ADAMTS17: variants seen among roughly 807,000 people sequenced by gnomAD.
The protein encoded by ADAMTS17 is A disintegrin and metalloproteinase with thrombospondin motifs 17.
A neutral mutation model predicts 141.5 loss-of-function variants in ADAMTS17; 113 were observed. That is an observed-to-expected ratio of 0.80 (90% CI 0.69 to 0.93). The LOEUF is 0.93. Among genes scored for constraint, ADAMTS17 ranks in the 40% least tolerant of loss-of-function variants. The probability of loss-of-function intolerance (pLI) is 0.00; values close to 1 mark genes in which losing one functional copy is unlikely to be tolerated. For missense variants in ADAMTS17, 1,659 were observed against 1,517.9 expected (o/e 1.09, Z -1.54); for synonymous variants, 768 against 630.6 (o/e 1.22, Z -3.27).
chr15:100,127,556 C>T (rs918510291), intron 12 of ADAMTS17, among the ~76,000 whole-genome samples: 8 of 152,184 alleles, frequency 5.3e-5, no homozygotes, highest in African/African-American at 1.9e-4. Flanking sequence ...AGTTACCAAA[C>T]TTCAATGTGA....
At chr15:100,319,595 C>T (rs773822175) in intron 3 of ADAMTS17, among the ~76,000 whole-genome samples, 6 of 152,146 alleles carry the variant, frequency 3.9e-5, no homozygotes, top group African/African-American at 7.2e-5. Context: ...CCTGTAGTCC[C>T]GGCTACTCGG....
intron 15 of ADAMTS17, among the ~76,000 whole-genome samples, chr15:100,059,799 G>A (rs1044006652): frequency 4.6e-5 from 7 of 152,152 alleles, no homozygotes; most frequent in African/African-American, 9.7e-5. Flanking sequence ...GGCCTATGAG[G>A]CCCATGAGGC....
chr15:99,996,086 C>T (rs1401834192), intron 19 of ADAMTS17, among the ~76,000 whole-genome samples: 4 of 148,734 alleles, frequency 2.7e-5, no homozygotes, highest in Non-Finnish European at 4.4e-5. Context: ...CAGAGTTTCG[C>T]TCTTGTTGCC....
intron 19 of ADAMTS17, among the ~76,000 whole-genome samples, chr15:99,994,704 T>C (rs1321438747): frequency 2.0e-5 from 3 of 152,130 alleles, no homozygotes; most frequent in Non-Finnish European, 2.9e-5. Flanking sequence ...GTAGCTGGGA[T>C]TACAGGCGCC....
At chr15:100,275,384 C>T (rs1200904163) in intron 4 of ADAMTS17, among the ~76,000 whole-genome samples, 1 of 152,242 alleles carries the variant, frequency 6.6e-6, no homozygotes, top group Non-Finnish European at 1.5e-5. Flanking sequence ...AGTTCCAATT[C>T]TGCAGGAAGA....
At chr15:100,278,552 C>T (rs2044178059) in intron 4 of ADAMTS17, among the ~76,000 whole-genome samples, 1 of 152,120 alleles carries the variant, frequency 6.6e-6, no homozygotes, top group Non-Finnish European at 1.5e-5. Context: ...CATGTGGGTC[C>T]AGCGGCTCGA....
At chr15:100,144,253 A>T (rs2038792960) in intron 10 of ADAMTS17, among the ~76,000 whole-genome samples, 1 of 152,188 alleles carries the variant, frequency 6.6e-6, no homozygotes, top group Non-Finnish European at 1.5e-5. Flanking sequence ...ATGGTATAAA[A>T]ATATCTGTGA....
chr15:100,186,238 G>T (rs1057234600), intron 8 of ADAMTS17, among the ~76,000 whole-genome samples: 5 of 152,202 alleles, frequency 3.3e-5, no homozygotes, highest in Non-Finnish European at 7.3e-5. Context: ...CTTAGCCGAT[G>T]TTAAATGCCA....
intron 8 of ADAMTS17, among the ~76,000 whole-genome samples, chr15:100,177,235 A>G (rs1363877721): frequency 2.0e-5 from 3 of 152,230 alleles, no homozygotes; most frequent in Admixed American, 2.0e-4. Context: ...GTAGGAACTT[A>G]GCAATTATTC....
chr15:100,074,554 C>T (rs191876815), intron 15 of ADAMTS17, among the ~76,000 whole-genome samples: 3 of 151,914 alleles, frequency 2.0e-5, no homozygotes, highest in Admixed American at 6.6e-5. Flanking sequence ...AATATAAAAC[C>T]ATCTTCCCAT....
chr15:100,335,350 T>C (rs757191837), intron 2 of ADAMTS17, among the ~76,000 whole-genome samples: 1 of 152,194 alleles, frequency 6.6e-6, no homozygotes, highest in Non-Finnish European at 1.5e-5. Flanking sequence ...AATCCACTCA[T>C]GGGTCCCTTA....
intron 17 of ADAMTS17, among the ~76,000 whole-genome samples, chr15:100,050,195 T>C (rs7178764): frequency 0.32 from 47,945 of 151,998 alleles, 8,645 homozygotes; most frequent in East Asian, 0.49. Flanking sequence ...ACCACTGTGT[T>C]AGGAAGCTGG....
At position 100,050,267 on chromosome 15, in the gene ADAMTS17, G is replaced by A. The variant is rs186743389; in HGVS notation, c.2456-1275C>T. Among the ~76,000 whole-genome samples the A allele has an allele frequency of 1.3e-3, 200 of 152,340 alleles. 1 individual carries two copies. The highest frequency in any genetic ancestry group is 4.7e-3 in the African/African-American group (194 of 41,576). On this transcript the variant is annotated intron_variant, in intron 17 of 21. Transcript: ENST00000268070. ...AACAGCAACAGAACAGCCTGCCCCT[G>A]ACCCCAGGAGAGCCTGACTATTCCA...
intron 14 of ADAMTS17, among the ~76,000 whole-genome samples, chr15:100,096,697 T>A (rs2035781899): frequency 9.9e-6 from 1 of 100,682 alleles, no homozygotes; most frequent in African/African-American, 3.9e-5. Flanking sequence ...AGCTGTAAAG[T>A]CTATTTTTTG....
At chr15:100,268,149 G>A (rs1187269390) in intron 4 of ADAMTS17, among the ~76,000 whole-genome samples, 2 of 152,042 alleles carry the variant, frequency 1.3e-5, no homozygotes, top group Non-Finnish European at 2.9e-5. Flanking sequence ...TTACAGCTGT[G>A]TAGTATTCTA....
At chr15:100,227,578 C>T (rs551641849) in intron 7 of ADAMTS17, among the ~76,000 whole-genome samples, 3 of 152,224 alleles carry the variant, frequency 2.0e-5, no homozygotes, top group Non-Finnish European at 4.4e-5. Flanking sequence ...GATGGCACAT[C>T]GCTGGATGGA....
chr15:100,108,950 T>TC, intron 14 of ADAMTS17, 39 bp downstream of exon 14: 2 of 1,612,028 alleles, frequency 1.2e-6, no homozygotes, highest in African/African-American at 2.7e-5. Context: ...GAGTCTCCTC[T>TC]CCAAAGCCCC....
intron 18 of ADAMTS17, among the ~76,000 whole-genome samples, chr15:100,032,959 C>A (rs2030329638): frequency 6.6e-6 from 1 of 152,200 alleles, no homozygotes; most frequent in Admixed American, 6.5e-5. Context: ...TGCCTTTCTG[C>A]TGCTTCTGTA....
chr15:100,131,921 G>A, intron 12 of ADAMTS17, 86 bp downstream of exon 12: 2 of 1,597,750 alleles, frequency 1.3e-6, no homozygotes, highest in Admixed American at 1.7e-5. Context: ...GCGGGAGACA[G>A]ACCCTGCTTT....
Sources: allele counts gnomAD v4.1 joint callset (sites outside exome capture counted in the v4.1 genomes callset), GRCh38; gene constraint gnomAD v4.1.1; transcripts MANE v1.5; gene names NCBI Gene and HGNC (gene_info 2026-07-23, HGNC 2026-07-21).